Variants in C8orf34 observed in about 807,000 individuals in gnomAD.
The protein encoded by C8orf34 is chromosome 8 open reading frame 34.
C8orf34 carries 65 observed loss-of-function variants against 68.3 expected under a neutral mutation model. The observed-to-expected ratio is 0.95, with a 90% confidence interval of 0.78 to 1.17. The LOEUF is 1.17. Ranked by LOEUF, C8orf34 falls within the 50% of genes most tolerant of loss-of-function variation. The pLI, the probability that C8orf34 is intolerant of heterozygous loss-of-function variation, is 0.00. For missense variants in C8orf34, 664 were observed against 655.4 expected, an observed-to-expected ratio of 1.01 and a Z score of -0.14; for synonymous variants, 244 against 241.2, an observed-to-expected ratio of 1.01 and a Z score of -0.11.
chr8:68,806,611 G>A (rs1218720035), intron 12 of C8orf34, among the ~76,000 whole-genome samples: 1 of 152,000 alleles, frequency 6.6e-6, no homozygotes, highest in Non-Finnish European at 1.5e-5. Context: ...TATTTTTGCA[G>A]CAGTTTTATC....
intron 4 of C8orf34, among the ~76,000 whole-genome samples, chr8:68,481,924 G>A (rs1215051877): frequency 6.6e-6 from 1 of 152,090 alleles, no homozygotes; most frequent in East Asian, 1.9e-4. Context: ...TAAGATTTTG[G>A]GGGACTGTTG....
At chr8:68,573,231 T>C (rs923620169) in intron 7 of C8orf34, among the ~76,000 whole-genome samples, 8 of 152,150 alleles carry the variant, frequency 5.3e-5, no homozygotes, top group Non-Finnish European at 1.2e-4. Flanking sequence ...AACACTTGAA[T>C]TTCAGTTGTG....
chr8:68,428,031 C>T (rs1249405517), intron 1 of C8orf34, among the ~76,000 whole-genome samples: 3 of 148,730 alleles, frequency 2.0e-5, no homozygotes, highest in African/African-American at 7.4e-5. Context: ...CATAATATTC[C>T]CTAGAAAAAG....
intron 7 of C8orf34, among the ~76,000 whole-genome samples, chr8:68,586,790 T>C (rs1484496011): frequency 2.0e-5 from 3 of 152,162 alleles, no homozygotes; most frequent in Non-Finnish European, 4.4e-5. Context: ...TTCTTTTGTT[T>C]TGATGAGCAA....
chr8:68,473,444 G>A lies in C8orf34; in HGVS notation c.736+4624G>A, dbSNP rs537506956. Among the ~76,000 whole-genome samples the A allele has an allele frequency of 2.6e-5, 4 of 152,182 alleles. No individual in the cohort carries two copies. In the East Asian group the frequency reaches 7.7e-4, roughly 29 times the overall value. On this transcript the variant is annotated intron_variant, in intron 4 of 13. Coordinates refer to ENST00000518698, the MANE Select transcript of C8orf34 (RefSeq NM_052958.4). ...GTTGTCTGCTCCCTACCGCACACGTGGTTTGAAAGGAAAAGGGAAGACAGA... is the reference window on the plus strand; with the variant it reads ...GTTGTCTGCTCCCTACCGCACACGTAGTTTGAAAGGAAAAGGGAAGACAGA...
chr8:68,557,686 A>G (rs577764125), intron 7 of C8orf34, among the ~76,000 whole-genome samples: 4 of 152,210 alleles, frequency 2.6e-5, no homozygotes, highest in African/African-American at 7.2e-5. Flanking sequence ...TCAGCTCCCT[A>G]CACCAATGGG....
At chr8:68,536,155 T>G (rs1177280887) in intron 7 of C8orf34, among the ~76,000 whole-genome samples, 1 of 151,136 alleles carries the variant, frequency 6.6e-6, no homozygotes, top group Non-Finnish European at 1.5e-5. Context: ...CTGAGGTGGG[T>G]GGATTGCTTG....
At chr8:68,362,668 C>A (rs1807058822) in intron 1 of C8orf34, among the ~76,000 whole-genome samples, 1 of 152,124 alleles carries the variant, frequency 6.6e-6, no homozygotes, top group Non-Finnish European at 1.5e-5. Context: ...TTCCAACAGA[C>A]CTGCAGCTGA....
At chr8:68,590,257 A>G (rs924201991) in intron 7 of C8orf34, among the ~76,000 whole-genome samples, 2 of 151,868 alleles carry the variant, frequency 1.3e-5, no homozygotes, top group African/African-American at 4.8e-5. Context: ...GGGAAAAGCA[A>G]AAGATGGAGG....
intron 2 of C8orf34, among the ~76,000 whole-genome samples, chr8:68,441,059 C>T (rs190314255): frequency 2.6e-5 from 4 of 152,300 alleles, no homozygotes; most frequent in Non-Finnish European, 5.9e-5. Context: ...CCTCCTTGGC[C>T]TCCCAAAGTG....
chr8:68,733,703 T>A (rs1822047896), intron 10 of C8orf34, among the ~76,000 whole-genome samples: 2 of 152,226 alleles, frequency 1.3e-5, no homozygotes, highest in African/African-American at 4.8e-5. Context: ...AAGTATTTCA[T>A]CTAGTGATTT....
chr8:68,461,665 C>G (rs1586185921), intron 3 of C8orf34, among the ~76,000 whole-genome samples: 1 of 152,142 alleles, frequency 6.6e-6, no homozygotes, highest in Admixed American at 6.6e-5. Context: ...GAATTTTCAA[C>G]CCAGAATTTC....
At chr8:68,404,076 C>T (rs1037518502) in intron 1 of C8orf34, among the ~76,000 whole-genome samples, 13 of 152,200 alleles carry the variant, frequency 8.5e-5, no homozygotes, top group Admixed American at 2.0e-4. Flanking sequence ...TTCTTACTGG[C>T]GTGAGATGGT....
intron 5 of C8orf34, among the ~76,000 whole-genome samples, chr8:68,519,775 T>C (rs1814672362): frequency 6.6e-6 from 1 of 152,164 alleles, no homozygotes; most frequent in Admixed American, 6.5e-5. Flanking sequence ...TATTTACTAA[T>C]TCATTTGATA....
At chr8:68,496,181 C>T (rs1867634) in intron 5 of C8orf34, among the ~76,000 whole-genome samples, 52,408 of 151,952 alleles carry the variant, frequency 0.34, 9,347 homozygotes, top group Middle Eastern at 0.4. Context: ...TGCTTTACCA[C>T]GCAAGATAAA....
At chr8:68,768,701 C>G (rs1823252573) in intron 10 of C8orf34, among the ~76,000 whole-genome samples, 1 of 152,104 alleles carries the variant, frequency 6.6e-6, no homozygotes, top group South Asian at 2.1e-4. Context: ...ATGCTTTCAC[C>G]ATTCTCTTGC....
intron 12 of C8orf34, among the ~76,000 whole-genome samples, chr8:68,793,218 A>G (rs1048101311): frequency 6.6e-6 from 1 of 152,200 alleles, no homozygotes; most frequent in African/African-American, 2.4e-5. Flanking sequence ...AAGCACATAG[A>G]TTGTATAAAA....
At chr8:68,650,321 C>T (rs931028921) in intron 8 of C8orf34, among the ~76,000 whole-genome samples, 1 of 151,866 alleles carries the variant, frequency 6.6e-6, no homozygotes, top group African/African-American at 2.4e-5. Flanking sequence ...GAGAGGGGTC[C>T]TGGAGAAAAT....
intron 12 of C8orf34, among the ~76,000 whole-genome samples, chr8:68,793,872 A>G (rs893431175): frequency 6.6e-6 from 1 of 152,240 alleles, no homozygotes; most frequent in Non-Finnish European, 1.5e-5. Context: ...TTAATTTCCA[A>G]TAGAAAACAG....
Sources: allele counts gnomAD v4.1 joint callset (sites outside exome capture counted in the v4.1 genomes callset), GRCh38; gene constraint gnomAD v4.1.1; transcripts MANE v1.5; gene names NCBI Gene and HGNC (gene_info 2026-07-23, HGNC 2026-07-21).